Variants in ANKRD45 observed in about 807,000 individuals in gnomAD.
ANKRD45 encodes the protein ankyrin repeat domain 45.
In ANKRD45, 21 loss-of-function variants were observed where a neutral mutation model predicts 28.1. That is an observed-to-expected ratio of 0.75 (90% CI 0.53 to 1.08). The LOEUF is 1.08. ANKRD45 is among the 50% of genes least tolerant of loss of function. The pLI is 0.00. For synonymous variants in ANKRD45, 86 were observed against 103.9 expected (o/e 0.83, Z 1.05); for missense variants, 261 against 308.7 (o/e 0.85, Z 1.16).
chr1:173,623,623 G>A (rs1667795797), intron 5 of ANKRD45, among the ~76,000 whole-genome samples: 3 of 152,004 alleles, frequency 2.0e-5, no homozygotes, highest in Admixed American at 1.3e-4. Flanking sequence ...ATACCCAAGG[G>A]AATATAAATC....
At position 173,615,809 on chromosome 1, in the gene ANKRD45, T is replaced by C. The variant is rs114585848; in HGVS notation, c.731-5594A>G. Among the ~76,000 whole-genome samples, 738 of 151,988 alleles carry C rather than the reference T, an allele frequency of 4.9e-3. 11 individuals are homozygous for C. The highest frequency in any genetic ancestry group is 0.017 in the African/African-American group (708 of 41,444). On this transcript the variant is annotated intron_variant, in intron 5 of 5. Coordinates refer to ENST00000333279, the MANE Select transcript of ANKRD45 (RefSeq NM_198493.3). ...ACCCAAATGTCCATCAATTGATAAA[T>C]AGATTAAATTTGGGCCGGGCACGGT...
intron 2 of ANKRD45, among the ~76,000 whole-genome samples, chr1:173,651,060 G>A (rs1669190457): frequency 6.6e-6 from 1 of 152,110 alleles, no homozygotes; most frequent in Non-Finnish European, 1.5e-5. Context: ...CACTCTGATG[G>A]TAGTTTCTTT....
intron 5 of ANKRD45, among the ~76,000 whole-genome samples, chr1:173,613,870 T>G (rs923741969): frequency 5.3e-5 from 8 of 152,232 alleles, no homozygotes; most frequent in Non-Finnish European, 1.0e-4. Context: ...AGATTGTTGC[T>G]GTGTCTGTGT....
the ANKRD45 span, among the ~76,000 whole-genome samples, chr1:173,692,635 C>A: frequency 6.6e-6 from 1 of 152,162 alleles, no homozygotes; most frequent in Non-Finnish European, 1.5e-5. Context: ...TTTCTGAGAA[C>A]TGATGCTGCT....
intron 3 of ANKRD45, 135 bp downstream of exon 3, chr1:173,646,711 A>T (rs1668946274): frequency 2.1e-5 from 17 of 819,146 alleles, no homozygotes; most frequent in Non-Finnish European, 3.1e-5. Context: ...GGGAAATTTC[A>T]TGTATTATCA....
chr1:173,649,695 A>C (rs768413740), intron 2 of ANKRD45, among the ~76,000 whole-genome samples: 2 of 152,160 alleles, frequency 1.3e-5, no homozygotes, highest in Non-Finnish European at 2.9e-5. Flanking sequence ...GGTTCTTTAT[A>C]TCTCAAGATA....
chr1:173,696,001 GC>G, the ANKRD45 span, among the ~76,000 whole-genome samples: 16 of 152,236 alleles, frequency 1.1e-4, no homozygotes, highest in African/African-American at 3.4e-4. Flanking sequence ...CTGGTACTCT[GC>G]CCCCATTTGC....
intron 5 of ANKRD45, among the ~76,000 whole-genome samples, chr1:173,612,018 T>C (rs1397419453): frequency 6.6e-6 from 1 of 151,904 alleles, no homozygotes; most frequent in Non-Finnish European, 1.5e-5. Context: ...CCGAGGCAAG[T>C]AGATCACTTG....
chr1:173,613,212 G>A (rs1667261374), intron 5 of ANKRD45, among the ~76,000 whole-genome samples: 1 of 151,862 alleles, frequency 6.6e-6, no homozygotes, highest in African/African-American at 2.4e-5. Flanking sequence ...CACCCCGTCT[G>A]GGATGTGAGG....
At chr1:173,673,109 T>C (rs1036395671), upstream of ANKRD45, among the ~76,000 whole-genome samples, 1 of 149,974 alleles carries the variant, frequency 6.7e-6, no homozygotes, top group Non-Finnish European at 1.5e-5. Flanking sequence ...TACATTTCTA[T>C]ACTTTTTTTT....
intron 1 of ANKRD45, among the ~76,000 whole-genome samples, chr1:173,665,314 T>G (rs1327841634): frequency 6.6e-6 from 1 of 152,204 alleles, no homozygotes; most frequent in Non-Finnish European, 1.5e-5. Flanking sequence ...TAGCTAGGAC[T>G]ATAGGCCCAT....
At chr1:173,613,541 CG>C (rs1667302312) in intron 5 of ANKRD45, among the ~76,000 whole-genome samples, 2 of 136,294 alleles carry the variant, frequency 1.5e-5, no homozygotes, top group East Asian at 2.1e-4. Context: ...CCGCCCCGTC[CG>C]GGAGGGAGGT....
intron 3 of ANKRD45, among the ~76,000 whole-genome samples, chr1:173,645,046 A>T (rs1177835024): frequency 6.6e-6 from 1 of 151,956 alleles, no homozygotes; most frequent in Non-Finnish European, 1.5e-5. Flanking sequence ...ATTACTATTC[A>T]TGGGGGGAAT....
the ANKRD45 span, among the ~76,000 whole-genome samples, chr1:173,694,644 T>G: frequency 6.6e-6 from 1 of 151,770 alleles, no homozygotes; most frequent in African/African-American, 2.4e-5. Context: ...AATCTGGAAT[T>G]TTAGGATACT....
At chr1:173,628,755 C>A (rs767406031) in intron 3 of ANKRD45, among the ~76,000 whole-genome samples, 3 of 152,136 alleles carry the variant, frequency 2.0e-5, no homozygotes, top group Non-Finnish European at 2.9e-5. Context: ...TTGCCAACTG[C>A]TGATTGTAGA....
At chr1:173,673,287 T>C (rs1345785384), upstream of ANKRD45, among the ~76,000 whole-genome samples, 1 of 151,792 alleles carries the variant, frequency 6.6e-6, no homozygotes, top group Admixed American at 6.6e-5. Flanking sequence ...ATTTTTGTAA[T>C]TTTTTAGTAG....
At chr1:173,618,502 G>A (rs1667561439) in intron 5 of ANKRD45, among the ~76,000 whole-genome samples, 2 of 152,252 alleles carry the variant, frequency 1.3e-5, no homozygotes, top group South Asian at 4.2e-4. Context: ...GCAAACACAA[G>A]TATCAATAGA....
At chr1:173,671,218 T>G (rs1670244758), upstream of ANKRD45, among the ~76,000 whole-genome samples, 1 of 152,110 alleles carries the variant, frequency 6.6e-6, no homozygotes, top group Admixed American at 6.5e-5. Context: ...TCTGTGAGTC[T>G]TATCACTCTT....
At chr1:173,703,202 A>G in the ANKRD45 span, among the ~76,000 whole-genome samples, 4 of 144,698 alleles carry the variant, frequency 2.8e-5, no homozygotes, top group Non-Finnish European at 6.1e-5. Flanking sequence ...CACTATACCC[A>G]GCTAATTTTT....
Sources: allele counts gnomAD v4.1 joint callset (sites outside exome capture counted in the v4.1 genomes callset), GRCh38; gene constraint gnomAD v4.1.1; transcripts MANE v1.5; gene names NCBI Gene and HGNC (gene_info 2026-07-23, HGNC 2026-07-21).